Variants in ZNF577 observed in about 807,000 individuals in gnomAD.
ZNF577 encodes zinc finger protein 577.
ZNF577 carries 14 observed loss-of-function variants against 13.9 expected under a neutral mutation model. The observed-to-expected ratio is 1.00, with a 90% CI of 0.66 to 1.57. The LOEUF (loss-of-function observed/expected upper bound fraction) is 1.57, where lower values mean the gene tolerates loss of function less well. Ranked by LOEUF, ZNF577 falls within the 40% of genes most tolerant of loss-of-function variation. ZNF577 has a pLI of 0.00. For synonymous variants in ZNF577, 203 were observed against 202.9 expected, an observed-to-expected ratio of 1.00 and a Z score of 0.00; for missense variants, 555 against 579.2, an observed-to-expected ratio of 0.96 and a Z score of 0.43.
intron 5 of ZNF577, among the ~76,000 whole-genome samples, chr19:51,856,336 T>G (rs1427559773): frequency 2.0e-5 from 3 of 152,248 alleles, no homozygotes; most frequent in Non-Finnish European, 4.4e-5. Flanking sequence ...TATATAATAC[T>G]GCACCAATTT....
intron 10 of ZNF577, among the ~76,000 whole-genome samples, chr19:51,805,726 C>A (rs1258214721): frequency 6.6e-6 from 1 of 152,104 alleles, no homozygotes; most frequent in African/African-American, 2.4e-5. Context: ...ACGTACTGAG[C>A]CGTTTGAACA....
intron 9 of ZNF577, among the ~76,000 whole-genome samples, chr19:51,830,808 C>T (rs1176712860): frequency 6.6e-6 from 1 of 152,126 alleles, no homozygotes; most frequent in African/African-American, 2.4e-5. Flanking sequence ...CATCTATTTG[C>T]ATCAATGCAG....
At position 51,870,108 on chromosome 19, in the gene ZNF577, A is replaced by G. The variant is rs911446468; in HGVS notation, c.*2424T>C. Among the ~76,000 whole-genome samples the G allele has an allele frequency of 2.6e-5, 4 of 152,196 alleles. No individual in the cohort carries two copies. Among genetic ancestry groups the G allele is most frequent in the Non-Finnish European group, 5.9e-5 (4 of 68,016 alleles). The stretch of plus-strand genomic sequence containing the variant: ...ACTGAGCTTCATCTGCCCCTTGTTC[A>G]GGTGGGGGGAACCCATCAGTAAATT... On this transcript the variant is annotated 3_prime_UTR_variant, in exon 6 of 6. Coordinates refer to ENST00000638348, the MANE Select transcript of ZNF577 (RefSeq NM_001370449.1).
chr19:51,814,461 T>G (rs1199850631), intron 9 of ZNF577, among the ~76,000 whole-genome samples: 1 of 151,384 alleles, frequency 6.6e-6, no homozygotes, highest in Non-Finnish European at 1.5e-5. Flanking sequence ...CTCATGCATC[T>G]GCCTCACCTC....
At chr19:51,878,969 A>G (rs2084813649) in intron 3 of ZNF577, 1 of 154,970 alleles carries the variant, frequency 6.5e-6, no homozygotes, top group Non-Finnish European at 1.4e-5. Flanking sequence ...TAAAAATGTA[A>G]TAATACGGCT....
chr19:51,872,294 T>A lies in ZNF577; in HGVS notation c.*238A>T. The stretch of plus-strand genomic sequence containing the variant: ...GCACCATCACAATCTTTCATAAATA[T>A]TCCTGTAAGAATTCTTTTGATACCA... On this transcript the variant is annotated 3_prime_UTR_variant, in exon 6 of 6. Transcript: ENST00000638348. The A allele has an allele frequency of 2.6e-6, 1 of 390,068 alleles. No individual in the cohort carries two copies. Among genetic ancestry groups the A allele is most frequent in the East Asian group, 4.3e-5 (1 of 23,124 alleles). 24.2% of individuals were successfully genotyped at this position (390,068 alleles called of 1,614,324 possible).
intron 9 of ZNF577, among the ~76,000 whole-genome samples, chr19:51,815,241 G>T (rs1269570282): frequency 6.6e-6 from 1 of 152,088 alleles, no homozygotes; most frequent in Non-Finnish European, 1.5e-5. Context: ...TCAGGAAGGG[G>T]AAGTGGGGAC....
chr19:51,860,434 C>T (rs1271602506), intron 5 of ZNF577: 1 of 152,392 alleles, frequency 6.6e-6, no homozygotes, highest in Admixed American at 6.5e-5. Flanking sequence ...GATTTTATAC[C>T]TGCATTGAAC....
Position 51,870,173 on chromosome 19 carries a change from T to C in ZNF577, c.*2359A>G, listed in dbSNP as rs1376580548. 6.6e-6 allele frequency among the ~76,000 whole-genome samples: 1 copy of C among 152,246 alleles called. No homozygotes were observed. Among genetic ancestry groups the C allele is most frequent in the Non-Finnish European group, 1.5e-5 (1 of 68,042 alleles). On this transcript the variant is annotated 3_prime_UTR_variant, in exon 6 of 6. Coordinates refer to ENST00000638348, the MANE Select transcript of ZNF577 (RefSeq NM_001370449.1). ...CCACTTGATTCATATGGGACATTTA[T>C]AGCAGCTATTTCTAACATCCTTTTC... is the stretch of plus-strand genomic sequence containing the variant.
chr19:51,877,570 A>G (rs998286099), intron 4 of ZNF577, 193 bp from the exon 5 acceptor site: 15 of 432,670 alleles, frequency 3.5e-5, no homozygotes, highest in African/African-American at 2.4e-4. Flanking sequence ...ACCCATTAGG[A>G]TGGCTACTAT....
At chr19:51,821,088 T>C (rs937753922) in intron 9 of ZNF577, among the ~76,000 whole-genome samples, 2 of 152,136 alleles carry the variant, frequency 1.3e-5, no homozygotes, top group Non-Finnish European at 2.9e-5. Flanking sequence ...GGACCAGAAG[T>C]TCCCATTTGT....
chr19:51,841,417 T>C (rs142536882), intron 8 of ZNF577, among the ~76,000 whole-genome samples: 375 of 152,252 alleles, frequency 2.5e-3, no homozygotes, highest in Non-Finnish European at 3.7e-3. Flanking sequence ...GCAAGGACAC[T>C]AAGAAAAACC....
Position 51,871,641 on chromosome 19 carries a change from A to G in ZNF577, c.*891T>C, listed in dbSNP as rs1343436874. On this transcript the variant is annotated 3_prime_UTR_variant, in exon 6 of 6. Transcript: ENST00000638348. ...TAACATACTTGCCTCATAATAAGAT[A>G]GGGAGATTATCCTGGCTTATCTGGG... The G allele has an allele frequency of 1.3e-5, 2 of 152,192 alleles. No individual in the cohort carries two copies. Among genetic ancestry groups the G allele is most frequent in the African/African-American group, 4.8e-5 (2 of 41,446 alleles). 9.4% of individuals were successfully genotyped at this position (152,192 alleles called of 1,614,324 possible).
Position 51,873,619 on chromosome 19 carries a change from T to C in ZNF577, c.371A>G (p.Asp124Gly). The C allele has an allele frequency of 6.2e-7, 1 of 1,614,220 alleles. No individual in the cohort carries two copies. The highest frequency in any genetic ancestry group is 8.5e-7 in the Non-Finnish European group (1 of 1,180,038). ...YGRSCLHIKR[D>G]KTLTGVKYHR... is the part of the protein sequence containing the mutation. ...GTATTTAACTCCAGTAAGAGTTTTG[T>C]CACGCTTGATATGGAGGCATGATCT... The change falls in exon 6 of 6, where the codon GAC becomes GGC. Residue 124 changes from aspartate to glycine, a missense_variant. Asp to Gly is a moderately conservative substitution (Grantham distance 94). Coordinates refer to ENST00000638348, the MANE Select transcript of ZNF577 (RefSeq NM_001370449.1).
intron 9 of ZNF577, among the ~76,000 whole-genome samples, chr19:51,830,135 T>TA (rs11299540): frequency 1.9e-4 from 28 of 145,820 alleles, no homozygotes; most frequent in East Asian, 1.8e-3. Context: ...TTCTAGTGTT[T>TA]AAAAAAAAAA....
rs2084637011 is a variant in ZNF577 at position 51,870,175 on chromosome 19, G to A, written c.*2357C>T. Among the ~76,000 whole-genome samples the A allele has an allele frequency of 1.3e-5, 2 of 152,176 alleles. No individual in the cohort carries two copies. Among genetic ancestry groups the A allele is most frequent in the South Asian group, 4.1e-4 (2 of 4,836 alleles). ...ACTTGATTCATATGGGACATTTATA[G>A]CAGCTATTTCTAACATCCTTTTCTG... is the stretch of plus-strand genomic sequence containing the variant. On this transcript the variant is annotated 3_prime_UTR_variant, in exon 6 of 6. Transcript: ENST00000638348.
downstream of ZNF577, among the ~76,000 whole-genome samples, chr19:51,864,774 A>C (rs1344916438): frequency 6.6e-6 from 1 of 152,214 alleles, no homozygotes; most frequent in Non-Finnish European, 1.5e-5. Context: ...ATCAACATAT[A>C]AATAGCATTG....
chr19:51,884,925 T>C, intron 1 of ZNF577, among the ~76,000 whole-genome samples: 1 of 152,240 alleles, frequency 6.6e-6, no homozygotes, highest in Admixed American at 6.5e-5. Context: ...CACATGACTA[T>C]TCTATGGTGA....
chr19:51,865,358 A>G (rs1185874064), downstream of ZNF577, among the ~76,000 whole-genome samples: 3 of 151,640 alleles, frequency 2.0e-5, no homozygotes, highest in Admixed American at 6.6e-5. Flanking sequence ...CGGCCTCCCA[A>G]AGTGCTGGGA....
Sources: gnomAD v4.1 joint callset for allele counts (sites outside exome capture counted in the v4.1 genomes callset) on GRCh38, gnomAD v4.1.1 for gene constraint, MANE v1.5 for transcripts, NCBI Gene and HGNC (gene_info 2026-07-23, HGNC 2026-07-21) for gene names.